The following CNTNAP4 variants were observed in gnomAD, a reference collection of about 807,000 sequenced individuals.
CNTNAP4 encodes contactin associated protein family member 4, also known as contactin-associated protein-like 4.
Under a neutral mutation model 148.4 loss-of-function variants are expected in CNTNAP4, and 98 were observed. The observed-to-expected ratio is 0.66, with a 90% CI of 0.56 to 0.78. The LOEUF (loss-of-function observed/expected upper bound fraction) is 0.78, where lower values mean the gene tolerates loss of function less well. Among genes scored for constraint, CNTNAP4 ranks in the 30% least tolerant of loss-of-function variants. The pLI, the probability that CNTNAP4 is intolerant of heterozygous loss-of-function variation, is 0.00. For missense variants in CNTNAP4, 1,935 were observed against 1,565.6 expected (o/e 1.24, Z -3.98); for synonymous variants, 730 against 565.1 (o/e 1.29, Z -4.14).
intron 3 of CNTNAP4, among the ~76,000 whole-genome samples, chr16:76,364,919 T>G (rs1008140193): frequency 4.6e-5 from 7 of 152,198 alleles, no homozygotes; most frequent in African/African-American, 1.7e-4. Context: ...TTGTCATTGC[T>G]TTTGGTGTTT....
In CNTNAP4 at chr16:76,282,746, A is replaced by G. The variant is rs185783807; in HGVS notation, c.85+4999A>G. Among the ~76,000 whole-genome samples the G allele has an allele frequency of 3.3e-5, 5 of 152,026 alleles. No homozygotes were observed. In the East Asian group the frequency reaches 9.6e-4, roughly 29 times the overall value. On this transcript the variant is annotated intron_variant, in intron 1 of 23. Coordinates refer to ENST00000611870, the MANE Select transcript of CNTNAP4 (RefSeq NM_033401.5). ...GGTTTGTGTATTTGAAATTGTATTT[A>G]TTTTAGAATTCCAGGAACTGATCTT...
At chr16:76,464,103 C>T (rs1350635588) in intron 9 of CNTNAP4, among the ~76,000 whole-genome samples, 2 of 152,178 alleles carry the variant, frequency 1.3e-5, no homozygotes, top group Non-Finnish European at 2.9e-5. Flanking sequence ...TAGCAGAAGA[C>T]CTGCTGCCAA....
At chr16:76,541,867 A>T (rs2084473157) in intron 21 of CNTNAP4, among the ~76,000 whole-genome samples, 1 of 152,232 alleles carries the variant, frequency 6.6e-6, no homozygotes, top group Non-Finnish European at 1.5e-5. Flanking sequence ...ACAGAAAAAA[A>T]TATGTGCAAA....
chr16:76,458,770 C>T (rs2080830195), intron 8 of CNTNAP4, among the ~76,000 whole-genome samples: 1 of 152,138 alleles, frequency 6.6e-6, no homozygotes, highest in Non-Finnish European at 1.5e-5. Flanking sequence ...GGTATCGGTC[C>T]ATGGCCCTGG....
Position 76,521,203 on chromosome 16 carries a change from A to G in CNTNAP4, c.2429A>G (p.His810Arg), listed in dbSNP as rs377597483. Residue 810 changes from histidine to arginine, a missense_variant, in exon 16 of 24, where the codon CAC (histidine) becomes CGC (arginine). Physicochemically the swap from His to Arg is conservative, Grantham distance 29 (BLOSUM62 0). Coordinates refer to ENST00000611870, the MANE Select transcript of CNTNAP4 (RefSeq NM_033401.5). ...EASYLHFPTFHGELSADVSFF... is the reference protein window; with the variant it reads ...EASYLHFPTFRGELSADVSFF... ...TCATATCTTCATTTTCCTACCTTCC[A>G]CGGAGAACTTAGCGCGGATGTATCT... 1.1e-4 allele frequency: 171 copies of G among 1,611,602 alleles called. No homozygotes were observed. The highest frequency in any genetic ancestry group is 1.4e-4 in the Non-Finnish European group (160 of 1,179,256).
At chr16:76,551,063 T>A (rs1214189770) in intron 21 of CNTNAP4, among the ~76,000 whole-genome samples, 1 of 152,156 alleles carries the variant, frequency 6.6e-6, no homozygotes, top group Non-Finnish European at 1.5e-5. Context: ...GGATTTTTAT[T>A]ATTACGTAGA....
Position 76,553,274 on chromosome 16 carries a change from A to C in CNTNAP4, c.3443-9A>C. 6.4e-7 allele frequency: 1 copy of C among 1,555,432 alleles called. No homozygotes were observed. Among genetic ancestry groups the C allele is most frequent in the Non-Finnish European group, 8.8e-7 (1 of 1,135,474 alleles). ...CTACTAATATTTCGGTGTTTCTTTGAATTTCTAGAACACAGTGATGTGGAC... is the reference window on the plus strand; with the variant it reads ...CTACTAATATTTCGGTGTTTCTTTGCATTTCTAGAACACAGTGATGTGGAC... On this transcript the variant is annotated splice_polypyrimidine_tract_variant and intron_variant, in intron 21 of 23. Coordinates refer to ENST00000611870, the MANE Select transcript of CNTNAP4 (RefSeq NM_033401.5).
At chr16:76,343,087 A>G (rs971146010) in intron 2 of CNTNAP4, among the ~76,000 whole-genome samples, 2 of 151,724 alleles carry the variant, frequency 1.3e-5, no homozygotes, top group Admixed American at 1.3e-4. Flanking sequence ...TTGGCTAGGC[A>G]GAAGCATAAC....
chr16:76,453,227 G>A (rs1268008939), intron 8 of CNTNAP4, among the ~76,000 whole-genome samples: 2 of 152,330 alleles, frequency 1.3e-5, no homozygotes, highest in Admixed American at 6.5e-5. Context: ...AGTGTACAGT[G>A]TGAATGGTAA....
At chr16:76,556,000 C>T (rs2085182288) in intron 23 of CNTNAP4, among the ~76,000 whole-genome samples, 1 of 152,184 alleles carries the variant, frequency 6.6e-6, no homozygotes, top group Non-Finnish European at 1.5e-5. Flanking sequence ...TCTGGTAGAA[C>T]TGTGGTAGAA....
At chr16:76,390,531 A>G (rs1198586282) in intron 3 of CNTNAP4, among the ~76,000 whole-genome samples, 1 of 151,716 alleles carries the variant, frequency 6.6e-6, no homozygotes, top group Non-Finnish European at 1.5e-5. Context: ...CTGTTCATGA[A>G]CTGCAACTTA....
chr16:76,539,060 AGT>A (rs1228377062), intron 19 of CNTNAP4, among the ~76,000 whole-genome samples: 1 of 152,016 alleles, frequency 6.6e-6, no homozygotes, highest in African/African-American at 2.4e-5. Flanking sequence ...TTGTTCGATA[AGT>A]GTATTTATTC....
At chr16:76,340,983 C>CA (rs1219299145) in intron 2 of CNTNAP4, among the ~76,000 whole-genome samples, 1 of 152,184 alleles carries the variant, frequency 6.6e-6, no homozygotes, top group African/African-American at 2.4e-5. Context: ...TTTCAACAGT[C>CA]AGTCCAATTT....
At chr16:76,444,581 T>C (rs776514458) in intron 4 of CNTNAP4, among the ~76,000 whole-genome samples, 6 of 152,040 alleles carry the variant, frequency 3.9e-5, no homozygotes, top group Non-Finnish European at 8.8e-5. Context: ...GATTAATTTT[T>C]TCAGGTTTTT....
chr16:76,405,614 G>A (rs2078575454), intron 3 of CNTNAP4, among the ~76,000 whole-genome samples: 1 of 152,122 alleles, frequency 6.6e-6, no homozygotes, highest in Admixed American at 6.5e-5. Context: ...CTAGAAGTGA[G>A]TCATCATAGA....
chr16:76,367,477 G>C (rs371277320), intron 3 of CNTNAP4, among the ~76,000 whole-genome samples: 5 of 151,886 alleles, frequency 3.3e-5, no homozygotes, highest in African/African-American at 9.7e-5. Flanking sequence ...TAAAAGAAAG[G>C]GTATACATTG....
chr16:76,535,568 G>C lies in CNTNAP4; in HGVS notation c.2779G>C (p.Gly927Arg), dbSNP rs1437409074. ...AGGTGGAACGGCCACCAGACAGAGA[G>C]GCTTTCTGGGCTGCATTCGGTCTCT... Reference protein sequence around the residue: ...FVGGTATRQRGFLGCIRSLQL... With the variant: ...FVGGTATRQRRFLGCIRSLQL... Residue 927 changes from glycine (G) to arginine (R), a missense_variant, in exon 18 of 24, where the codon GGC becomes CGC. Gly to Arg is a moderately radical substitution (Grantham distance 125). Coordinates refer to ENST00000611870, the MANE Select transcript of CNTNAP4 (RefSeq NM_033401.5). 1 of 1,612,352 alleles carries C rather than the reference G, an allele frequency of 6.2e-7. No individual in the cohort carries two copies. The highest frequency in any genetic ancestry group is 1.1e-5 in the South Asian group (1 of 90,994).
At chr16:76,280,944 G>T (rs1958663295) in intron 1 of CNTNAP4, among the ~76,000 whole-genome samples, 1 of 152,122 alleles carries the variant, frequency 6.6e-6, no homozygotes, top group Non-Finnish European at 1.5e-5. Flanking sequence ...TGCAGATTAT[G>T]TGAGGGAGGC....
intron 2 of CNTNAP4, among the ~76,000 whole-genome samples, chr16:76,321,137 C>T (rs1211133950): frequency 6.6e-6 from 1 of 152,018 alleles, no homozygotes; most frequent in Non-Finnish European, 1.5e-5. Context: ...ACAACTACAC[C>T]CTTCTATTCT....
Sources: gnomAD v4.1 joint callset for allele counts (sites outside exome capture counted in the v4.1 genomes callset) on GRCh38, gnomAD v4.1.1 for gene constraint, MANE v1.5 for transcripts, NCBI Gene and HGNC (gene_info 2026-07-23, HGNC 2026-07-21) for gene names.